Variants in LSM14B observed in about 807,000 individuals in gnomAD.
The protein encoded by LSM14B is protein LSM14 homolog B.
In LSM14B, 8 loss-of-function variants were observed where a neutral mutation model predicts 42.1. The ratio of observed to expected loss-of-function variants is 0.19; its 90% CI spans 0.11 to 0.34. The LOEUF (loss-of-function observed/expected upper bound fraction) is 0.34, where lower values mean the gene tolerates loss of function less well. Ranked by LOEUF, LSM14B falls within the 10% of genes least tolerant of loss-of-function variation. The pLI is 1.00. For missense variants in LSM14B, 396 were observed against 513.1 expected, an observed-to-expected ratio of 0.77 and a Z score of 2.21; for synonymous variants, 219 against 209.7, an observed-to-expected ratio of 1.04 and a Z score of -0.38.
chr20:62,133,858 C>T (rs2082068955), intron 8 of LSM14B, among the ~76,000 whole-genome samples: 1 of 152,240 alleles, frequency 6.6e-6, no homozygotes, highest in South Asian at 2.1e-4. Context: ...AACCAGGTCC[C>T]AGTGGATTTG....
At chr20:62,131,300 A>G (rs1460216482) in intron 6 of LSM14B, 56 bp from the exon 7 acceptor site, 11 of 1,534,390 alleles carry the variant, frequency 7.2e-6, no homozygotes, top group East Asian at 2.3e-5. Flanking sequence ...CACCCTGCTA[A>G]AAGGCTGTGC....
At chr20:62,133,156 T>A in intron 7 of LSM14B, 134 bp from the exon 8 acceptor site, 1 of 1,082,704 alleles carries the variant, frequency 9.2e-7, no homozygotes, top group South Asian at 1.6e-5. Context: ...GCTCCAGAGC[T>A]GACGGGGCCG....
chr20:62,127,197 A>C (rs1349293696), intron 3 of LSM14B, among the ~76,000 whole-genome samples: 1 of 151,786 alleles, frequency 6.6e-6, no homozygotes, highest in Non-Finnish European at 1.5e-5. Flanking sequence ...AGATTGAAAA[A>C]CCCCAGAGTA....
chr20:62,124,057 G>C (rs2056507498), intron 1 of LSM14B, among the ~76,000 whole-genome samples: 1 of 152,212 alleles, frequency 6.6e-6, no homozygotes, highest in African/African-American at 2.4e-5. Context: ...GGGGTTAGTA[G>C]ACTCAATTCC....
Position 62,130,286 on chromosome 20 carries a change from G to A in LSM14B, c.663G>A (p.Arg221=). ...ATGACGAGAACAGAAGACCTCAGAG[G>A]AGGCGATCAGGTAACACCTGTTGCC... ...QVNDENRRPQ[R]RRSGNRRTRN... is the part of the protein sequence containing the mutation. The change falls in exon 5 of 9, where the codon AGG becomes AGA. Residue 221 remains arginine (R), a synonymous_variant. Transcript: ENST00000279068. This position sits in a 1 kb window ranked among gnomAD's most constrained non-coding sequence, Gnocchi z 4.1. The A allele has an allele frequency of 6.3e-7, 1 of 1,595,872 alleles. No individual in the cohort carries two copies. Among genetic ancestry groups the A allele is most frequent in the Non-Finnish European group, 8.5e-7 (1 of 1,171,124 alleles).
rs369060099 is a variant in LSM14B at position 62,124,612 on chromosome 20, A to G, written c.128-5A>G. Reference sequence around the variant, plus strand: ...CAATAACGCTTCTCTTTCTCCACTCATAAGTGAGGTCCTTTGGCACTGAAG... The same window carrying G: ...CAATAACGCTTCTCTTTCTCCACTCGTAAGTGAGGTCCTTTGGCACTGAAG... On this transcript the variant is annotated splice_region_variant and splice_polypyrimidine_tract_variant and intron_variant, in intron 1 of 8. Transcript: ENST00000279068. 38 of 1,613,244 alleles carry G rather than the reference A, an allele frequency of 2.4e-5. No homozygotes were observed. The South Asian group carries it at 2.4e-4, about 10-fold the overall frequency.
chr20:62,127,563 T>C (rs1414336882), intron 3 of LSM14B: 27 of 1,513,668 alleles, frequency 1.8e-5, no homozygotes, highest in Non-Finnish European at 2.3e-5. Flanking sequence ...CTTTTTGCTC[T>C]TTCTCCTTTA....
At chr20:62,127,575 C>G in intron 3 of LSM14B, 3 of 1,538,864 alleles carry the variant, frequency 1.9e-6, no homozygotes, top group Non-Finnish European at 2.6e-6. Context: ...TCTCCTTTAT[C>G]TTCCTTTAGA....
Position 62,130,369 on chromosome 20 carries a change from C to T in LSM14B, c.673+73C>T, listed in dbSNP as rs529304140. On this transcript the variant is annotated intron_variant, in intron 5 of 8. Coordinates refer to ENST00000279068, the MANE Select transcript of LSM14B (RefSeq NM_144703.3). The surrounding 1 kb of genome is among the most constrained non-coding windows in gnomAD (Gnocchi z 4.1). ...TGAGCTCTGCTTGCCCTCCTGCCTG[C>T]TTCTCTGGTTGACGGTTTCAGGGGT... The T allele has an allele frequency of 1.1e-5, 17 of 1,539,154 alleles. No individual in the cohort carries two copies. The South Asian group carries it at 1.8e-4, about 16-fold the overall frequency.
Position 62,130,813 on chromosome 20 carries a change from G to A in LSM14B, c.835+122G>A. 4 of 1,002,128 alleles carry A rather than the reference G, an allele frequency of 4.0e-6. No homozygotes were observed. Among genetic ancestry groups the A allele is most frequent in the Non-Finnish European group, 5.7e-6 (4 of 699,900 alleles). The allele number at this position is 1,002,128 out of a possible 1,614,324, so 62.1% of individuals were successfully genotyped here. On this transcript the variant is annotated intron_variant, in intron 6 of 8. Transcript: ENST00000279068. This position sits in a 1 kb window ranked among gnomAD's most constrained non-coding sequence, Gnocchi z 4.1. ...AATCTCAGCACTTTGGGAGGCTGAG[G>A]TGGGTGGATCACCTGAGGTCAGGAG...
rs139429989 is a variant in LSM14B at position 62,130,382 on chromosome 20, C to T, written c.673+86C>T. 537 of 1,530,884 alleles carry T rather than the reference C, an allele frequency of 3.5e-4. 2 individuals carry two copies. The highest frequency in any genetic ancestry group is 3.3e-3 in the African/African-American group (237 of 72,888). 94.8% of individuals were successfully genotyped at this position (1,530,884 alleles called of 1,614,324 possible). On this transcript the variant is annotated intron_variant, in intron 5 of 8. Coordinates refer to ENST00000279068, the MANE Select transcript of LSM14B (RefSeq NM_144703.3). This position sits in a 1 kb window ranked among gnomAD's most constrained non-coding sequence, Gnocchi z 4.1. ...CCCTCCTGCCTGCTTCTCTGGTTGA[C>T]GGTTTCAGGGGTGCTGGTGTGAAGT...
At chr20:62,124,029 C>T (rs2056506132) in intron 1 of LSM14B, among the ~76,000 whole-genome samples, 1 of 152,242 alleles carries the variant, frequency 6.6e-6, no homozygotes, top group Admixed American at 6.5e-5. Flanking sequence ...TTGGGCGCTC[C>T]TGGAAGCCTG....
In LSM14B at chr20:62,122,847, G is replaced by C. The variant is rs2056442200; in HGVS notation, c.127+54G>C. 7.2e-7 allele frequency: 1 copy of C among 1,393,628 alleles called. No homozygotes were observed. The highest frequency in any genetic ancestry group is 9.4e-7 in the Non-Finnish European group (1 of 1,058,336). The allele number at this position is 1,393,628 out of a possible 1,614,324, so 86.3% of individuals were successfully genotyped here. A position where few individuals can be genotyped will look rare whatever the true frequency, so the allele number is the denominator to read the frequency against. On this transcript the variant is annotated intron_variant, in intron 1 of 8. Coordinates refer to ENST00000279068, the MANE Select transcript of LSM14B (RefSeq NM_144703.3). The surrounding 1 kb of genome is among the most constrained non-coding windows in gnomAD (Gnocchi z 4.6). ...TGACCCCCGTCCGCCAACAGCCCCG[G>C]CCTGCGGTGCCCTCCCCGCCCCGGG...
chr20:62,132,942 C>A (rs796373274), intron 7 of LSM14B, among the ~76,000 whole-genome samples: 2 of 152,174 alleles, frequency 1.3e-5, no homozygotes, highest in African/African-American at 4.8e-5. Context: ...CTTCATGGTC[C>A]GGTCTCAGGT....
At chr20:62,127,460 T>G in intron 3 of LSM14B, 1 of 676,768 alleles carries the variant, frequency 1.5e-6, no homozygotes, top group Non-Finnish European at 2.5e-6. Context: ...TTCTAAAACG[T>G]GTTTGTATGA....
chr20:62,125,721 C>T (rs1054042003), intron 2 of LSM14B, among the ~76,000 whole-genome samples: 20 of 152,176 alleles, frequency 1.3e-4, no homozygotes, highest in Admixed American at 1.3e-3. Context: ...CACACAGGGC[C>T]GGCTTTGGGA....
chr20:62,133,462 G>A lies in LSM14B; in HGVS notation c.*1G>A. The stretch of plus-strand genomic sequence containing the variant: ...CAGGGCCGGGACTGGCAGGGTGTGA[G>A]GGTGCAGCCAAAGGTGAGTGGATGA... On this transcript the variant is annotated 3_prime_UTR_variant, in exon 8 of 9. Transcript: ENST00000279068. 6.2e-7 allele frequency: 1 copy of A among 1,611,944 alleles called. No homozygotes were observed. The highest frequency in any genetic ancestry group is 1.1e-5 in the South Asian group (1 of 91,054).
In LSM14B at chr20:62,134,351, A is replaced by G. The variant is rs1178508404; in HGVS notation, c.*203A>G. The G allele has an allele frequency of 2.1e-6, 1 of 471,328 alleles. No individual in the cohort carries two copies. The highest frequency in any genetic ancestry group is 1.6e-5 in the South Asian group (1 of 64,462). 29.2% of individuals were successfully genotyped at this position (471,328 alleles called of 1,614,324 possible). A position where few individuals can be genotyped will look rare whatever the true frequency, so the allele number is the denominator to read the frequency against. The stretch of plus-strand genomic sequence containing the variant: ...AACCACTTGTTTTGGGGAAGTATTC[A>G]TGGGTAACCTCTTTGAGGTCTCTTT... On this transcript the variant is annotated 3_prime_UTR_variant, in exon 9 of 9. Coordinates refer to ENST00000279068, the MANE Select transcript of LSM14B (RefSeq NM_144703.3).
rs2056745931 is a variant in LSM14B at position 62,130,822 on chromosome 20, T to A, written c.835+131T>A. 4 of 893,616 alleles carry A rather than the reference T, an allele frequency of 4.5e-6. No homozygotes were observed. The highest frequency in any genetic ancestry group is 5.0e-6 in the Non-Finnish European group (3 of 605,406). 55.4% of individuals were successfully genotyped at this position (893,616 alleles called of 1,614,324 possible). A position where few individuals can be genotyped will look rare whatever the true frequency, so the allele number is the denominator to read the frequency against. On this transcript the variant is annotated intron_variant, in intron 6 of 8. Coordinates refer to ENST00000279068, the MANE Select transcript of LSM14B (RefSeq NM_144703.3). This position sits in a 1 kb window ranked among gnomAD's most constrained non-coding sequence, Gnocchi z 4.1. Reference sequence around the variant, plus strand: ...ACTTTGGGAGGCTGAGGTGGGTGGATCACCTGAGGTCAGGAGTTCAACACC... The same window carrying A: ...ACTTTGGGAGGCTGAGGTGGGTGGAACACCTGAGGTCAGGAGTTCAACACC...
Sources: gnomAD v4.1 joint callset for allele counts (sites outside exome capture counted in the v4.1 genomes callset) on GRCh38, gnomAD v4.1.1 for gene constraint, Gnocchi (gnomAD v3.1) non-coding constraint, MANE v1.5 for transcripts, NCBI Gene and HGNC (gene_info 2026-07-23, HGNC 2026-07-21) for gene names.